Variants in STAT1 observed in about 807,000 individuals in gnomAD.
STAT1 encodes signal transducer and activator of transcription 1.
Under a neutral mutation model 111.7 loss-of-function variants are expected in STAT1, and 24 were observed. That is an observed-to-expected ratio of 0.21 (90% CI 0.16 to 0.30). The LOEUF (loss-of-function observed/expected upper bound fraction) is 0.30, where lower values mean the gene tolerates loss of function less well. Ranked by LOEUF, STAT1 falls within the 10% of genes least tolerant of loss-of-function variation. The pLI, the probability that STAT1 is intolerant of heterozygous loss-of-function variation, is 1.00. For missense variants in STAT1, 351 were observed against 911.9 expected (o/e 0.38, Z 7.92); for synonymous variants, 332 against 326.5 (o/e 1.02, Z -0.18).
At position 190,977,976 on chromosome 2, in the gene STAT1, C is replaced by T. The variant is rs1347114891; in HGVS notation, c.1873+880G>A. On this transcript the variant is annotated intron_variant, in intron 21 of 24. Coordinates refer to ENST00000361099, the MANE Select transcript of STAT1 (RefSeq NM_007315.4). The surrounding 1 kb of genome is among the most constrained non-coding windows in gnomAD (Gnocchi z 4.7). ...AAAATAAACAGAACAAGAAAGAATACCGTTCCAGAAAAAAAAAATAGAAGA... is the reference window on the plus strand; with the variant it reads ...AAAATAAACAGAACAAGAAAGAATATCGTTCCAGAAAAAAAAAATAGAAGA... 6.6e-6 allele frequency among the ~76,000 whole-genome samples: 1 copy of T among 151,024 alleles called. No individual in the cohort carries two copies. The highest frequency in any genetic ancestry group is 1.5e-5 in the Non-Finnish European group (1 of 67,776).
intron 5 of STAT1, 43 bp from the exon 6 acceptor site, chr2:191,001,206 G>C: frequency 6.7e-7 from 1 of 1,499,968 alleles, no homozygotes; most frequent in Non-Finnish European, 9.3e-7. Context: ...TTTTCTTCAG[G>C]GTGTGTACTT....
At chr2:190,994,927 A>AATATATATATATATATATATAT (rs1159903683) in intron 10 of STAT1, 134 bp downstream of exon 10, 1 of 134,084 alleles carries the variant, frequency 7.5e-6, no homozygotes, top group African/African-American at 4.0e-5. Flanking sequence ...AAAAAAAAAA[A>AATATATATATATATATATATAT]ATATATATAT....
rs928880490 is a variant in STAT1, at chr2:190,978,033, G to C, written c.1873+823C>G. On this transcript the variant is annotated intron_variant, in intron 21 of 24. Transcript: ENST00000361099. The surrounding 1 kb of genome is among the most constrained non-coding windows in gnomAD (Gnocchi z 6.1). Reference sequence around the variant, plus strand: ...CAGAAAAACAAACAGAACAAGAAGAGTATGGCAGAAAAACAAATAGAATAA... The same window carrying C: ...CAGAAAAACAAACAGAACAAGAAGACTATGGCAGAAAAACAAATAGAATAA... Among the ~76,000 whole-genome samples the C allele has an allele frequency of 1.3e-5, 2 of 150,662 alleles. No individual in the cohort carries two copies. Among genetic ancestry groups the C allele is most frequent in the African/African-American group, 4.9e-5 (2 of 41,054 alleles).
rs1424863759 is a variant in STAT1, at chr2:190,987,724, C to T, written c.1098-656G>A. Reference sequence around the variant, plus strand: ...TCATGTTCTGGCCAAATAATGTATCCGTGAGCGTCCTAGATGTAGACTAGA... The same window carrying T: ...TCATGTTCTGGCCAAATAATGTATCTGTGAGCGTCCTAGATGTAGACTAGA... On this transcript the variant is annotated intron_variant, in intron 12 of 24. Transcript: ENST00000361099. The surrounding 1 kb of genome is among the most constrained non-coding windows in gnomAD (Gnocchi z 4.0). Among the ~76,000 whole-genome samples, 1 of 152,132 alleles carries T rather than the reference C, an allele frequency of 6.6e-6. No homozygotes were observed. Among genetic ancestry groups the T allele is most frequent in the African/African-American group, 2.4e-5 (1 of 41,428 alleles).
rs1692107988 is a variant in STAT1 at position 190,978,770 on chromosome 2, A to G, written c.1873+86T>C. On this transcript the variant is annotated intron_variant, in intron 21 of 24. Coordinates refer to ENST00000361099, the MANE Select transcript of STAT1 (RefSeq NM_007315.4). This position sits in a 1 kb window ranked among gnomAD's most constrained non-coding sequence, Gnocchi z 6.1. ...ATCTGCAATTTCATGTCCCAAACGC[A>G]CTATCTGTATGAGCTGACTGGCGGC... 1 of 1,548,052 alleles carries G rather than the reference A, an allele frequency of 6.5e-7. No homozygotes were observed. Among genetic ancestry groups the G allele is most frequent in the Admixed American group, 1.9e-5 (1 of 53,968 alleles).
Position 190,983,845 on chromosome 2 carries a change from C to T in STAT1, c.1348-105G>A. 4 of 937,804 alleles carry T rather than the reference C, an allele frequency of 4.3e-6. No homozygotes were observed. The highest frequency in any genetic ancestry group is 4.0e-5 in the South Asian group (3 of 74,304). 58.1% of individuals were successfully genotyped at this position (937,804 alleles called of 1,614,324 possible). On this transcript the variant is annotated intron_variant, in intron 16 of 24. Transcript: ENST00000361099. The surrounding 1 kb of genome is among the most constrained non-coding windows in gnomAD (Gnocchi z 5.7). ...GCAGGGGATTATTTGTAAATTTGTA[C>T]ATATTTAATACTTGAAAATGAGAAG...
intron 12 of STAT1, among the ~76,000 whole-genome samples, chr2:190,988,003 C>G (rs1693002166): frequency 6.6e-6 from 1 of 152,222 alleles, no homozygotes; most frequent in African/African-American, 2.4e-5. Context: ...TGAGCTGACG[C>G]AGAAGATGGT....
chr2:190,982,560 C>T lies in STAT1; in HGVS notation c.1447-42G>A, dbSNP rs1306103240. On this transcript the variant is annotated intron_variant, in intron 17 of 24. Coordinates refer to ENST00000361099, the MANE Select transcript of STAT1 (RefSeq NM_007315.4). This position sits in a 1 kb window ranked among gnomAD's most constrained non-coding sequence, Gnocchi z 7.3. ...CAAAATCTAAGGGTTACTACAGAGA[C>T]ACCAGTCACAAGTGTGGCACTAAAA... is the stretch of plus-strand genomic sequence containing the variant. 1.9e-6 allele frequency: 3 copies of T among 1,610,434 alleles called. No homozygotes were observed. In the East Asian group the frequency reaches 6.7e-5, roughly 36 times the overall value.
At position 190,978,835 on chromosome 2, in the gene STAT1, T is replaced by C. The variant is rs368375652; in HGVS notation, c.1873+21A>G. The C allele has an allele frequency of 1.2e-6, 2 of 1,613,176 alleles. No individual in the cohort carries two copies. Among genetic ancestry groups the C allele is most frequent in the African/African-American group, 1.3e-5 (1 of 74,902 alleles). ...TCACACACATGGAATGGTGGGACTA[T>C]GTGCTCAAACTCCCACTCACCGCCT... On this transcript the variant is annotated intron_variant, in intron 21 of 24. Transcript: ENST00000361099. This position sits in a 1 kb window ranked among gnomAD's most constrained non-coding sequence, Gnocchi z 6.1.
Position 191,007,753 on chromosome 2 carries a change from T to G in STAT1, c.274-92A>C. On this transcript the variant is annotated intron_variant, in intron 4 of 24. Transcript: ENST00000361099. The surrounding 1 kb of genome is among the most constrained non-coding windows in gnomAD (Gnocchi z 4.2). ...AGTTGATATGAATTTGTTTATATTC[T>G]CCGGGAAACCTCATCTCTCATCTAT... is the stretch of plus-strand genomic sequence containing the variant. 1 of 937,942 alleles carries G rather than the reference T, an allele frequency of 1.1e-6. No individual in the cohort carries two copies. The highest frequency in any genetic ancestry group is 1.7e-6 in the Non-Finnish European group (1 of 581,362). The allele number at this position is 937,942 out of a possible 1,614,324, so 58.1% of individuals were successfully genotyped here.
At position 190,969,892 on chromosome 2, in the gene STAT1, T is replaced by C. The variant is rs1691323996; in HGVS notation, c.*811A>G. 6.6e-6 allele frequency: 1 copy of C among 152,244 alleles called. No individual in the cohort carries two copies. Among genetic ancestry groups the C allele is most frequent in the Admixed American group, 6.5e-5 (1 of 15,284 alleles). The allele number at this position is 152,244 out of a possible 1,614,324, so 9.4% of individuals were successfully genotyped here. ...CAACTTTTGAATGAGTGGTTGTGAA[T>C]AGCCTAACTCCCTTGGGAGAACTGT... is the stretch of plus-strand genomic sequence containing the variant. On this transcript the variant is annotated 3_prime_UTR_variant, in exon 25 of 25. Coordinates refer to ENST00000361099, the MANE Select transcript of STAT1 (RefSeq NM_007315.4).
Position 191,003,818 on chromosome 2 carries a change from C to A in STAT1, c.373-2655G>T, listed in dbSNP as rs1053344616. Among the ~76,000 whole-genome samples, 9 of 152,184 alleles carry A rather than the reference C, an allele frequency of 5.9e-5. No homozygotes were observed. Among genetic ancestry groups the A allele is most frequent in the African/African-American group, 1.9e-4 (8 of 41,436 alleles). On this transcript the variant is annotated intron_variant, in intron 5 of 24. Coordinates refer to ENST00000361099, the MANE Select transcript of STAT1 (RefSeq NM_007315.4). This position sits in a 1 kb window ranked among gnomAD's most constrained non-coding sequence, Gnocchi z 4.0. ...CTTCTAAGCCAGCAGGATGTGGGCA[C>A]GGTGTCCTGTGGGCTTTGTAACAGC... is the stretch of plus-strand genomic sequence containing the variant.
At position 190,979,637 on chromosome 2, in the gene STAT1, A is replaced by C; in HGVS notation, c.1727+135T>G. The C allele has an allele frequency of 4.1e-6, 3 of 729,372 alleles. No homozygotes were observed. The highest frequency in any genetic ancestry group is 7.4e-6 in the Non-Finnish European group (3 of 405,460). The allele number at this position is 729,372 out of a possible 1,614,324, so 45.2% of individuals were successfully genotyped here. ...GAGGTTCTACTCTTCTGAAGCCCTGAAGGGGCAGCCTATAAATGCGCACTC... is the reference window on the plus strand; with the variant it reads ...GAGGTTCTACTCTTCTGAAGCCCTGCAGGGGCAGCCTATAAATGCGCACTC... On this transcript the variant is annotated intron_variant, in intron 20 of 24. Coordinates refer to ENST00000361099, the MANE Select transcript of STAT1 (RefSeq NM_007315.4). The surrounding 1 kb of genome is among the most constrained non-coding windows in gnomAD (Gnocchi z 5.8).
At chr2:190,991,354 C>T (rs1262482582) in intron 10 of STAT1, 34 bp from the exon 11 acceptor site, 1 of 1,602,744 alleles carries the variant, frequency 6.2e-7, no homozygotes, top group African/African-American at 1.3e-5. Context: ...GATAAGTTAG[C>T]ATTTCCATTA....
At chr2:191,001,966 C>CT (rs1164220593) in intron 5 of STAT1, among the ~76,000 whole-genome samples, 1 of 152,164 alleles carries the variant, frequency 6.6e-6, no homozygotes, top group African/African-American at 2.4e-5. Context: ...AAAAACTGTG[C>CT]TTGTCAACCT....
chr2:190,972,629 G>A (rs1337944959), intron 24 of STAT1, among the ~76,000 whole-genome samples: 1 of 152,166 alleles, frequency 6.6e-6, no homozygotes, highest in Non-Finnish European at 1.5e-5. Flanking sequence ...ATGGCCAAGG[G>A]GCAGGACAGC....
rs1174715360 is a variant in STAT1 at position 190,979,120 on chromosome 2, C to T, written c.1728-119G>A. On this transcript the variant is annotated intron_variant, in intron 20 of 24. Transcript: ENST00000361099. The surrounding 1 kb of genome is among the most constrained non-coding windows in gnomAD (Gnocchi z 5.8). ...GAGAAAAAAAACCTACGGTAAAAAACGTAGACTATTTTAAAATCTGTTCAG... is the reference window on the plus strand; with the variant it reads ...GAGAAAAAAAACCTACGGTAAAAAATGTAGACTATTTTAAAATCTGTTCAG... The T allele has an allele frequency of 2.3e-5, 30 of 1,305,848 alleles. No individual in the cohort carries two copies. The highest frequency in any genetic ancestry group is 1.8e-4 in the Middle Eastern group (1 of 5,536). The allele number at this position is 1,305,848 out of a possible 1,614,324, so 80.9% of individuals were successfully genotyped here. A position where few individuals can be genotyped will look rare whatever the true frequency, so the allele number is the denominator to read the frequency against.
chr2:190,971,537 T>C lies in STAT1; in HGVS notation c.2239-820A>G, dbSNP rs1464580736. Among the ~76,000 whole-genome samples, 2 of 152,148 alleles carry C rather than the reference T, an allele frequency of 1.3e-5. No homozygotes were observed. The highest frequency in any genetic ancestry group is 2.9e-5 in the Non-Finnish European group (2 of 68,014). ...CCCCGAATACCAGTAGCACCAAGAC[T>C]GAGACACATGGCACTAGACTGGAAA... On this transcript the variant is annotated intron_variant, in intron 24 of 24. Transcript: ENST00000361099. This position sits in a 1 kb window ranked among gnomAD's most constrained non-coding sequence, Gnocchi z 4.1.
intron 2 of STAT1, 82 bp downstream of exon 2, chr2:191,013,443 C>G (rs563024637): frequency 2.5e-6 from 1 of 393,046 alleles, no homozygotes; most frequent in South Asian, 1.4e-4. Flanking sequence ...GACATTAAGC[C>G]CTTCCATCTT....
Sources: gnomAD v4.1 joint callset for allele counts (sites outside exome capture counted in the v4.1 genomes callset) on GRCh38, gnomAD v4.1.1 for gene constraint, Gnocchi (gnomAD v3.1) non-coding constraint, MANE v1.5 for transcripts, NCBI Gene and HGNC (gene_info 2026-07-23, HGNC 2026-07-21) for gene names.